PIEZO2: variants seen among roughly 807,000 people sequenced by gnomAD.
PIEZO2 encodes the protein piezo-type mechanosensitive ion channel component 2.
A neutral mutation model predicts 337.3 loss-of-function variants in PIEZO2; 172 were observed. The ratio of observed to expected loss-of-function variants is 0.51; its 90% CI spans 0.45 to 0.58. The LOEUF (loss-of-function observed/expected upper bound fraction) is 0.58, where lower values mean the gene tolerates loss of function less well. Ranked by LOEUF, PIEZO2 falls within the 20% of genes least tolerant of loss-of-function variation. The pLI is 0.00. For synonymous variants in PIEZO2, 1,251 were observed against 1,228.5 expected (o/e 1.02, Z -0.38); for missense variants, 3,028 against 3,391.3 (o/e 0.89, Z 2.66).
rs60793678 is a variant in PIEZO2 at position 11,098,731 on chromosome 18, A to G, written c.65-32509T>C. Among the ~76,000 whole-genome samples, 697 of 151,942 alleles carry G rather than the reference A, an allele frequency of 4.6e-3. 4 individuals are homozygous for G. Among genetic ancestry groups the G allele is most frequent in the African/African-American group, 0.016 (671 of 41,426 alleles). On this transcript the variant is annotated intron_variant, in intron 1 of 55. Transcript: ENST00000674853. ...GCGTGCCTTTTTAACTAAACAATCT[A>G]TTTACTATATCAGTACATACGTATG...
chr18:10,724,593 A>T lies in PIEZO2; in HGVS notation c.5030-6334T>A, dbSNP rs1445039111. On this transcript the variant is annotated intron_variant, in intron 36 of 55. Transcript: ENST00000674853. This position sits in a 1 kb window ranked among gnomAD's most constrained non-coding sequence, Gnocchi z 5.8. ...ACAGTGTGGGGAGTTGGAGTGACCC[A>T]GCTGGATGTGACCCCCAAGACAGAA... The T allele has an allele frequency of 1.3e-5, 8 of 614,578 alleles. No individual in the cohort carries two copies. In the South Asian group the frequency reaches 1.7e-4, roughly 13 times the overall value. 38.1% of individuals were successfully genotyped at this position (614,578 alleles called of 1,614,324 possible). A position where few individuals can be genotyped will look rare whatever the true frequency, so the allele number is the denominator to read the frequency against.
chr18:11,039,175 G>T (rs985716448), intron 2 of PIEZO2, among the ~76,000 whole-genome samples: 1 of 152,130 alleles, frequency 6.6e-6, no homozygotes, highest in African/African-American at 2.4e-5. Flanking sequence ...CATTAGCATG[G>T]TCTGCATGCA....
chr18:10,836,137 G>A (rs1418853272), intron 7 of PIEZO2, among the ~76,000 whole-genome samples: 4 of 151,984 alleles, frequency 2.6e-5, no homozygotes, highest in South Asian at 2.1e-4. Context: ...AGTTACTCTC[G>A]ACACACTTAG....
rs1038816441 is a variant in PIEZO2 at position 11,003,764 on chromosome 18, A to G, written c.161-24104T>C. The stretch of plus-strand genomic sequence containing the variant: ...CTGGGACGTGGGAGGAAACCAGAGT[A>G]CCTAGAAAAATCCCACACAGACCTG... On this transcript the variant is annotated intron_variant, in intron 2 of 55. Transcript: ENST00000674853. This position sits in a 1 kb window ranked among gnomAD's most constrained non-coding sequence, Gnocchi z 4.6. Among the ~76,000 whole-genome samples the G allele has an allele frequency of 1.1e-4, 17 of 152,202 alleles. No homozygotes were observed. Among genetic ancestry groups the G allele is most frequent in the African/African-American group, 4.1e-4 (17 of 41,464 alleles).
Position 10,873,030 on chromosome 18 carries a change from A to T in PIEZO2, c.330-1615T>A, listed in dbSNP as rs138748970. Among the ~76,000 whole-genome samples, 296 of 152,266 alleles carry T rather than the reference A, an allele frequency of 1.9e-3. 2 individuals are homozygous for T. The highest frequency in any genetic ancestry group is 4.4e-3 in the Admixed American group (67 of 15,292). On this transcript the variant is annotated intron_variant, in intron 4 of 55. Coordinates refer to ENST00000674853, the MANE Select transcript of PIEZO2 (RefSeq NM_001378183.1). ...GAAAGGAAGCAAAAGATAGGGCAAT[A>T]TACCATGTAAATACATACACACATA...
Position 10,855,695 on chromosome 18 carries a change from T to G in PIEZO2, c.704-129A>C. 1.4e-6 allele frequency: 1 copy of G among 713,292 alleles called. No individual in the cohort carries two copies. Among genetic ancestry groups the G allele is most frequent in the Non-Finnish European group, 2.2e-6 (1 of 446,906 alleles). The allele number at this position is 713,292 out of a possible 1,614,324, so 44.2% of individuals were successfully genotyped here. A position where few individuals can be genotyped will look rare whatever the true frequency, so the allele number is the denominator to read the frequency against. On this transcript the variant is annotated intron_variant, in intron 6 of 55. Transcript: ENST00000674853. The surrounding 1 kb of genome is among the most constrained non-coding windows in gnomAD (Gnocchi z 4.9). ...TTTAGGTTTTTTAAAATAGTAATTT[T>G]TAAAAATCATGTTTGATTTATATAA...
chr18:10,718,693 C>T (rs565587898), intron 36 of PIEZO2, among the ~76,000 whole-genome samples: 24 of 152,292 alleles, frequency 1.6e-4, no homozygotes, highest in African/African-American at 5.8e-4. Flanking sequence ...GCAACAGAGA[C>T]TTCATGAATA....
chr18:10,928,277 A>G (rs1464913825), intron 3 of PIEZO2, among the ~76,000 whole-genome samples: 3 of 152,182 alleles, frequency 2.0e-5, no homozygotes, highest in African/African-American at 4.8e-5. Flanking sequence ...CATCTAAGAA[A>G]ACGTTTCATC....
chr18:10,975,002 A>C (rs188380372), intron 3 of PIEZO2, among the ~76,000 whole-genome samples: 2 of 152,350 alleles, frequency 1.3e-5, no homozygotes, highest in Non-Finnish European at 2.9e-5. Context: ...GAGAATGAAT[A>C]GGACAATGCT....
At chr18:10,764,362 C>T (rs1430534513) in intron 21 of PIEZO2, among the ~76,000 whole-genome samples, 1 of 152,062 alleles carries the variant, frequency 6.6e-6, no homozygotes, top group African/African-American at 2.4e-5. Context: ...AAAGAAGAGG[C>T]CGGGTGAGGT....
chr18:10,894,372 T>G lies in PIEZO2; in HGVS notation c.329+16814A>C, dbSNP rs1204850666. ...GGGAGGCTGAGGCAGGAAAATCGCT[T>G]GAATTCGGAAGGCGGAGCTGGCAGT... On this transcript the variant is annotated intron_variant, in intron 4 of 55. Transcript: ENST00000674853. This position sits in a 1 kb window ranked among gnomAD's most constrained non-coding sequence, Gnocchi z 4.1. 6 of 152,108 alleles carry G rather than the reference T, an allele frequency of 3.9e-5. No individual in the cohort carries two copies. Among genetic ancestry groups the G allele is most frequent in the Non-Finnish European group, 5.9e-5 (4 of 68,086 alleles). 9.4% of individuals were successfully genotyped at this position (152,108 alleles called of 1,614,324 possible).
chr18:10,936,956 T>C (rs1193290421), intron 3 of PIEZO2, among the ~76,000 whole-genome samples: 4 of 152,180 alleles, frequency 2.6e-5, no homozygotes, highest in African/African-American at 9.7e-5. Context: ...ACTTCTTCCC[T>C]TACGGTCCTG....
Position 10,991,135 on chromosome 18 carries a change from T to C in PIEZO2, c.161-11475A>G, listed in dbSNP as rs562044364. Among the ~76,000 whole-genome samples, 114 of 151,398 alleles carry C rather than the reference T, an allele frequency of 7.5e-4. 1 individual carries two copies. The highest frequency in any genetic ancestry group is 2.7e-3 in the African/African-American group (111 of 41,218). ...AATCAACTATGCTTGGTACATTCTT[T>C]TTGTTTTTGGAAGGTTTTATACACA... is the stretch of plus-strand genomic sequence containing the variant. On this transcript the variant is annotated intron_variant, in intron 2 of 55. Coordinates refer to ENST00000674853, the MANE Select transcript of PIEZO2 (RefSeq NM_001378183.1).
chr18:10,976,542 ATTTAAC>A (rs1382418297), intron 3 of PIEZO2, among the ~76,000 whole-genome samples: 1 of 152,206 alleles, frequency 6.6e-6, no homozygotes, highest in Non-Finnish European at 1.5e-5. Context: ...TCAAATTGGA[ATTTAAC>A]TTTATGGAAA....
chr18:10,742,455 A>C (rs1424095488), intron 32 of PIEZO2, 39 bp downstream of exon 32: 3 of 1,533,646 alleles, frequency 2.0e-6, no homozygotes, highest in Admixed American at 3.9e-5. Context: ...CTATTATTCA[A>C]TGTTAAAACT....
chr18:11,082,474 C>T (rs1249688227), intron 1 of PIEZO2, among the ~76,000 whole-genome samples: 3 of 151,980 alleles, frequency 2.0e-5, no homozygotes, highest in Non-Finnish European at 2.9e-5. Context: ...CCCGCCACCA[C>T]GCCCGGCTAA....
chr18:11,130,819 T>C (rs1201063470), intron 1 of PIEZO2, among the ~76,000 whole-genome samples: 1 of 152,184 alleles, frequency 6.6e-6, no homozygotes, highest in Non-Finnish European at 1.5e-5. Context: ...CATTCCTCAT[T>C]TGAGTGTGTT....
In PIEZO2 at chr18:10,697,742, A is replaced by T; in HGVS notation, c.6827+6T>A. 1 of 1,613,216 alleles carries T rather than the reference A, an allele frequency of 6.2e-7. No individual in the cohort carries two copies. Among genetic ancestry groups the T allele is most frequent in the Non-Finnish European group, 8.5e-7 (1 of 1,179,898 alleles). On this transcript the variant is annotated splice_donor_region_variant and intron_variant, in intron 45 of 55. Coordinates refer to ENST00000674853, the MANE Select transcript of PIEZO2 (RefSeq NM_001378183.1). ...GCACACATGCCATATGTTCTCATGG[A>T]CTCACTTCTTTATGGTAAAGGCTTT...
Position 11,010,272 on chromosome 18 carries a change from A to T in PIEZO2, c.161-30612T>A, listed in dbSNP as rs116625082. Among the ~76,000 whole-genome samples the T allele has an allele frequency of 8.3e-3, 1,259 of 152,304 alleles. 14 individuals are homozygous for T. The highest frequency in any genetic ancestry group is 0.028 in the African/African-American group (1,181 of 41,558). ...GGGAAATTAAAGCCCTTAAAGCATA[A>T]TCACTCCATGCTTTGGGTTCCAAAG... On this transcript the variant is annotated intron_variant, in intron 2 of 55. Transcript: ENST00000674853.
Sources: gnomAD v4.1 joint callset for allele counts (sites outside exome capture counted in the v4.1 genomes callset) on GRCh38, gnomAD v4.1.1 for gene constraint, Gnocchi (gnomAD v3.1) non-coding constraint, MANE v1.5 for transcripts, NCBI Gene and HGNC (gene_info 2026-07-23, HGNC 2026-07-21) for gene names.